The following SKAP1 variants were observed in gnomAD, a reference collection of about 807,000 sequenced individuals.
SKAP1 encodes the protein src kinase associated phosphoprotein 1, also known as src kinase-associated phosphoprotein 1.
A neutral mutation model predicts 58.5 loss-of-function variants in SKAP1; 44 were observed. The ratio of observed to expected loss-of-function variants is 0.75; its 90% CI spans 0.59 to 0.97. SKAP1 has a LOEUF of 0.97. Ranked by LOEUF, SKAP1 falls within the 50% of genes least tolerant of loss-of-function variation. The pLI is 0.00. For synonymous variants in SKAP1, 127 were observed against 149.7 expected, an observed-to-expected ratio of 0.85 and a Z score of 1.11; for missense variants, 390 against 435.2, an observed-to-expected ratio of 0.90 and a Z score of 0.92.
chr17:48,265,850 G>A (rs1160168651), intron 4 of SKAP1, among the ~76,000 whole-genome samples: 1 of 152,074 alleles, frequency 6.6e-6, no homozygotes, highest in South Asian at 2.1e-4. Flanking sequence ...TGCTCCAAAT[G>A]CCTCCCCTGT....
At chr17:48,139,825 G>A (rs2063746474) in intron 11 of SKAP1, among the ~76,000 whole-genome samples, 1 of 152,154 alleles carries the variant, frequency 6.6e-6, no homozygotes, top group African/African-American at 2.4e-5. Context: ...GAACTTACCT[G>A]TATTGACAAC....
chr17:48,411,198 G>A (rs1324852249), intron 1 of SKAP1, among the ~76,000 whole-genome samples: 1 of 151,868 alleles, frequency 6.6e-6, no homozygotes, highest in African/African-American at 2.4e-5. Flanking sequence ...TCAGGAGTTT[G>A]AGACCAGTCT....
At chr17:48,259,122 C>T (rs1362983641) in intron 4 of SKAP1, among the ~76,000 whole-genome samples, 1 of 151,972 alleles carries the variant, frequency 6.6e-6, no homozygotes, top group South Asian at 2.1e-4. Flanking sequence ...GGGGACTCTA[C>T]AGTACATGCT....
intron 4 of SKAP1, among the ~76,000 whole-genome samples, chr17:48,214,879 G>A (rs766801939): frequency 5.4e-5 from 8 of 148,936 alleles, no homozygotes; most frequent in South Asian, 2.2e-4. Context: ...CTGAGATTGC[G>A]CCGCTGCACT....
intron 4 of SKAP1, among the ~76,000 whole-genome samples, chr17:48,317,920 G>GA (rs897494740): frequency 5.3e-5 from 8 of 151,558 alleles, no homozygotes; most frequent in Non-Finnish European, 1.2e-4. Context: ...GTTAAATCAA[G>GA]AAAAAAATGC....
intron 4 of SKAP1, among the ~76,000 whole-genome samples, chr17:48,280,580 T>C (rs139125492): frequency 0.011 from 1,614 of 152,210 alleles, 14 homozygotes; most frequent in Middle Eastern, 0.044. Context: ...AATATATACA[T>C]ATATATATAG....
chr17:48,222,790 G>T (rs2065019579), intron 4 of SKAP1, among the ~76,000 whole-genome samples: 1 of 151,466 alleles, frequency 6.6e-6, no homozygotes, highest in Non-Finnish European at 1.5e-5. Context: ...TTAAGGCCGG[G>T]TGTGGTGGCT....
rs552326513 is a variant in SKAP1 at position 48,238,213 on chromosome 17, C to T, written c.281-48713G>A. On this transcript the variant is annotated intron_variant, in intron 4 of 12. Transcript: ENST00000336915. ...TTCACCATATTGGCCAGGCTGGTCT[C>T]GAACTCCTGGCCTCAGGTGATCCAC... 7.3e-4 allele frequency among the ~76,000 whole-genome samples: 111 copies of T among 152,144 alleles called. No homozygotes were observed. In the South Asian group the frequency reaches 0.012, roughly 16 times the overall value.
chr17:48,140,778 C>CT lies in SKAP1; in HGVS notation c.979-3442dup, dbSNP rs35573297. Among the ~76,000 whole-genome samples, 266 of 138,108 alleles carry CT rather than the reference C, an allele frequency of 1.9e-3. 1 individual carries two copies. The highest frequency in any genetic ancestry group is 4.9e-3 in the African/African-American group (185 of 37,458). The allele number at this position is 138,108 out of a possible 152,430, so 90.6% of individuals were successfully genotyped here. ...CTTCTTCTTTCTTCTTCTTCTTCTT[C>CT]TTTTTTTTTTTTTTTTAAGATGGAG... On this transcript the variant is annotated intron_variant, in intron 11 of 12. Transcript: ENST00000336915.
At chr17:48,166,673 A>C (rs1226373603) in intron 10 of SKAP1, among the ~76,000 whole-genome samples, 1 of 152,204 alleles carries the variant, frequency 6.6e-6, no homozygotes, top group Non-Finnish European at 1.5e-5. Flanking sequence ...CATTGAGTAC[A>C]ACCTCTTAAG....
chr17:48,290,921 G>A (rs1027353628), intron 4 of SKAP1, among the ~76,000 whole-genome samples: 4 of 152,046 alleles, frequency 2.6e-5, no homozygotes, highest in African/African-American at 4.8e-5. Flanking sequence ...CAGGAGGGTC[G>A]CTTGAGGCCA....
chr17:48,186,601 T>G (rs1434792946), intron 6 of SKAP1, among the ~76,000 whole-genome samples: 1 of 152,152 alleles, frequency 6.6e-6, no homozygotes, highest in Non-Finnish European at 1.5e-5. Flanking sequence ...TTCTCCTGCC[T>G]CAGCCTACAG....
At chr17:48,164,525 T>C (rs966564146) in intron 10 of SKAP1, among the ~76,000 whole-genome samples, 1 of 152,114 alleles carries the variant, frequency 6.6e-6, no homozygotes, top group Non-Finnish European at 1.5e-5. Flanking sequence ...TGGGTATATA[T>C]GGGCCTGGGA....
chr17:48,373,155 A>G (rs376260098), intron 2 of SKAP1, among the ~76,000 whole-genome samples: 4 of 152,312 alleles, frequency 2.6e-5, no homozygotes, highest in African/African-American at 4.8e-5. Context: ...ACACTTCCAC[A>G]TGGCTGCGGA....
At chr17:48,421,553 C>A (rs2067793937) in intron 1 of SKAP1, among the ~76,000 whole-genome samples, 1 of 152,122 alleles carries the variant, frequency 6.6e-6, no homozygotes, top group Non-Finnish European at 1.5e-5. Context: ...GATCTACCCA[C>A]CTTGGCCTCC....
intron 4 of SKAP1, among the ~76,000 whole-genome samples, chr17:48,237,836 T>C (rs16954204): frequency 0.14 from 21,196 of 151,866 alleles, 2,044 homozygotes; most frequent in Non-Finnish European, 0.2. Flanking sequence ...CACAACACAT[T>C]GAAGGGTGGA....
chr17:48,142,237 G>A (rs548165762), intron 11 of SKAP1, among the ~76,000 whole-genome samples: 2 of 152,262 alleles, frequency 1.3e-5, no homozygotes, highest in East Asian at 3.9e-4. Context: ...CGAGGTGGGT[G>A]GATCACCTGA....
chr17:48,242,888 G>C (rs2065257373), intron 4 of SKAP1, among the ~76,000 whole-genome samples: 1 of 152,172 alleles, frequency 6.6e-6, no homozygotes, highest in African/African-American at 2.4e-5. Context: ...TATTGAATAT[G>C]CCAAGACTTG....
intron 1 of SKAP1, among the ~76,000 whole-genome samples, chr17:48,423,144 A>G (rs1011529763): frequency 6.6e-6 from 1 of 152,238 alleles, no homozygotes; most frequent in Non-Finnish European, 1.5e-5. Context: ...AACAAAAAGT[A>G]TTAAAAAGTC....
Sources: allele counts gnomAD v4.1 joint callset (sites outside exome capture counted in the v4.1 genomes callset), GRCh38; gene constraint gnomAD v4.1.1; transcripts MANE v1.5; gene names NCBI Gene and HGNC (gene_info 2026-07-23, HGNC 2026-07-21).